Variants in GULP1 observed in about 807,000 individuals in gnomAD.
The protein encoded by GULP1 is PTB domain-containing engulfment adapter protein 1.
Under a neutral mutation model 40.9 loss-of-function variants are expected in GULP1, and 19 were observed. The ratio of observed to expected loss-of-function variants is 0.46; its 90% CI spans 0.32 to 0.68. The LOEUF is 0.68. Among genes scored for constraint, GULP1 ranks in the 30% least tolerant of loss-of-function variants. The pLI, the probability that GULP1 is intolerant of heterozygous loss-of-function variation, is 0.03. For missense variants in GULP1, 312 were observed against 362.2 expected (o/e 0.86, Z 1.12); for synonymous variants, 119 against 117.6 (o/e 1.01, Z -0.08).
intron 2 of GULP1, among the ~76,000 whole-genome samples, chr2:188,399,959 C>T (rs964634725): frequency 1.3e-5 from 2 of 152,030 alleles, no homozygotes; most frequent in Non-Finnish European, 2.9e-5. Flanking sequence ...AGTTTATAGT[C>T]TAGTGAAATA....
At chr2:188,445,462 T>C (rs953942630) in intron 2 of GULP1, among the ~76,000 whole-genome samples, 1 of 152,178 alleles carries the variant, frequency 6.6e-6, no homozygotes, top group Admixed American at 6.5e-5. Context: ...CTAAGTGCTC[T>C]AGCAATCAAT....
At chr2:188,355,347 C>T (rs1178929823) in intron 1 of GULP1, among the ~76,000 whole-genome samples, 5 of 151,966 alleles carry the variant, frequency 3.3e-5, no homozygotes, top group Non-Finnish European at 7.4e-5. Context: ...AAAAAGGACA[C>T]ATTACAACTG....
chr2:188,390,110 T>A (rs1011579255), intron 2 of GULP1, among the ~76,000 whole-genome samples: 3 of 152,158 alleles, frequency 2.0e-5, no homozygotes, highest in African/African-American at 7.2e-5. Context: ...CTTTTTGTTA[T>A]GACTTCTTCT....
At chr2:188,396,481 C>T (rs1056711354) in intron 2 of GULP1, among the ~76,000 whole-genome samples, 1 of 152,222 alleles carries the variant, frequency 6.6e-6, no homozygotes, top group Admixed American at 6.5e-5. Flanking sequence ...CTCAGCTCCC[C>T]ACACTGGCTA....
At chr2:188,445,352 G>C (rs1409830214) in intron 2 of GULP1, among the ~76,000 whole-genome samples, 1 of 152,122 alleles carries the variant, frequency 6.6e-6, no homozygotes. Flanking sequence ...CATTTGATTG[G>C]AAGAGAGATT....
At chr2:188,569,610 T>A (rs1161498981) in intron 8 of GULP1, 1 of 434,776 alleles carries the variant, frequency 2.3e-6, no homozygotes, top group Non-Finnish European at 4.1e-6. Context: ...ATGCTTCTCA[T>A]GGGGATCAGA....
At chr2:188,308,022 G>T (rs907360178) in intron 1 of GULP1, among the ~76,000 whole-genome samples, 1 of 42,274 alleles carries the variant, frequency 2.4e-5, no homozygotes, top group Non-Finnish European at 5.0e-5. Context: ...TATAAACTGG[G>T]TGTCATTGTG....
intron 1 of GULP1, among the ~76,000 whole-genome samples, chr2:188,368,624 T>C (rs1393498944): frequency 6.6e-6 from 1 of 151,136 alleles, no homozygotes; most frequent in Admixed American, 6.7e-5. Flanking sequence ...AAATAGACTT[T>C]AGTTAAAAAA....
At chr2:188,536,517 G>C (rs902354682) in intron 6 of GULP1, among the ~76,000 whole-genome samples, 3 of 152,012 alleles carry the variant, frequency 2.0e-5, no homozygotes, top group Admixed American at 6.6e-5. Flanking sequence ...CTTTATTTCT[G>C]AATTCTCTAT....
intron 4 of GULP1, among the ~76,000 whole-genome samples, chr2:188,488,071 G>T (rs942890020): frequency 1.3e-5 from 2 of 151,994 alleles, no homozygotes; most frequent in East Asian, 1.9e-4. Flanking sequence ...ACCCTTAGTT[G>T]GTTGAAAACC....
chr2:188,426,460 A>G (rs1575169707), intron 2 of GULP1, among the ~76,000 whole-genome samples: 1 of 152,286 alleles, frequency 6.6e-6, no homozygotes, highest in Non-Finnish European at 1.5e-5. Flanking sequence ...TGGAAAGGGA[A>G]GGAGATTCTG....
chr2:188,349,559 C>T (rs988864803), intron 1 of GULP1, among the ~76,000 whole-genome samples: 1 of 152,050 alleles, frequency 6.6e-6, no homozygotes, highest in African/African-American at 2.4e-5. Flanking sequence ...AATGTGTACT[C>T]AGATATTTTG....
chr2:188,472,360 T>G (rs1347225210), intron 2 of GULP1, among the ~76,000 whole-genome samples: 1 of 152,174 alleles, frequency 6.6e-6, no homozygotes, highest in African/African-American at 2.4e-5. Flanking sequence ...TGAATAAACT[T>G]TCTACTCCTA....
intron 1 of GULP1, among the ~76,000 whole-genome samples, chr2:188,329,661 T>C (rs557732686): frequency 6.6e-6 from 1 of 152,232 alleles, no homozygotes; most frequent in East Asian, 1.9e-4. Flanking sequence ...GATAAGCTTA[T>C]AATGTGTCAC....
chr2:188,312,977 T>C (rs2038434600), intron 1 of GULP1, among the ~76,000 whole-genome samples: 1 of 152,044 alleles, frequency 6.6e-6, no homozygotes, highest in African/African-American at 2.4e-5. Flanking sequence ...TTTGTTTTTT[T>C]CCTGTAAATT....
intron 2 of GULP1, among the ~76,000 whole-genome samples, chr2:188,426,288 A>G (rs944656061): frequency 1.3e-5 from 2 of 152,176 alleles, no homozygotes; most frequent in Non-Finnish European, 2.9e-5. Flanking sequence ...TAAGGTAGAT[A>G]AGATCGCTAG....
At chr2:188,386,477 A>G (rs2049769489) in intron 2 of GULP1, among the ~76,000 whole-genome samples, 1 of 151,958 alleles carries the variant, frequency 6.6e-6, no homozygotes, top group African/African-American at 2.4e-5. Flanking sequence ...TTGTGTAACA[A>G]ATTTGTTTTC....
At chr2:188,345,169 T>G (rs1055914992) in intron 1 of GULP1, among the ~76,000 whole-genome samples, 2 of 152,194 alleles carry the variant, frequency 1.3e-5, no homozygotes, top group Admixed American at 1.3e-4. Context: ...TAGAGCTAGC[T>G]GTGAAGCAGA....
chr2:188,407,846 G>A (rs1037977499), intron 2 of GULP1, among the ~76,000 whole-genome samples: 1 of 152,212 alleles, frequency 6.6e-6, no homozygotes, highest in Admixed American at 6.5e-5. Flanking sequence ...AAGACATAGA[G>A]TGGATGAATG....
Sources: gnomAD v4.1 joint callset for allele counts (sites outside exome capture counted in the v4.1 genomes callset) on GRCh38, gnomAD v4.1.1 for gene constraint, MANE v1.5 for transcripts, NCBI Gene and HGNC (gene_info 2026-07-23, HGNC 2026-07-21) for gene names.